The following COL14A1 variants were observed in gnomAD, a reference collection of about 807,000 sequenced individuals.
COL14A1 encodes collagen type XIV alpha 1 chain.
COL14A1 carries 136 observed loss-of-function variants against 230.3 expected under a neutral mutation model. The ratio of observed to expected loss-of-function variants is 0.59; its 90% CI spans 0.51 to 0.68. COL14A1 has a LOEUF of 0.68. Ranked by LOEUF, COL14A1 falls within the 30% of genes least tolerant of loss-of-function variation. The pLI is 0.00. For synonymous variants in COL14A1, 792 were observed against 784.1 expected, an observed-to-expected ratio of 1.01 and a Z score of -0.17; for missense variants, 1,976 against 2,215.8, an observed-to-expected ratio of 0.89 and a Z score of 2.17.
intron 5 of COL14A1, 72 bp from the exon 6 acceptor site, chr8:120,196,719 G>T: frequency 1.4e-6 from 2 of 1,476,548 alleles, no homozygotes; most frequent in African/African-American, 1.4e-5. Context: ...TTGTCTAAAA[G>T]ACATTAAGAT....
chr8:120,147,770 C>A, intron 1 of COL14A1, 36 bp from the exon 2 acceptor site: 2 of 1,082,112 alleles, frequency 1.8e-6, no homozygotes, highest in Non-Finnish European at 2.8e-6. Context: ...TTATTTTCAG[C>A]CTTCTCAAAA....
Position 120,248,962 on chromosome 8 carries a change from G to A in COL14A1, c.2602+1227G>A, listed in dbSNP as rs1818850132. Among the ~76,000 whole-genome samples, 3 of 109,310 alleles carry A rather than the reference G, an allele frequency of 2.7e-5. No homozygotes were observed. In the South Asian group the frequency reaches 8.8e-4, roughly 32 times the overall value. 71.7% of individuals were successfully genotyped at this position (109,310 alleles called of 152,430 possible). ...TTTTTTTGAGACGGAGTCTCGCTCT[G>A]TCACCCAGGCTGGAGTACAGTGGCG... On this transcript the variant is annotated intron_variant, in intron 21 of 47. Coordinates refer to ENST00000297848, the MANE Select transcript of COL14A1 (RefSeq NM_021110.4).
chr8:120,345,264 C>T lies in COL14A1; in HGVS notation c.4889-111C>T, dbSNP rs1262894957. 6 of 962,620 alleles carry T rather than the reference C, an allele frequency of 6.2e-6. No individual in the cohort carries two copies. The East Asian group carries it at 1.2e-4, about 18-fold the overall frequency. 59.6% of individuals were successfully genotyped at this position (962,620 alleles called of 1,614,324 possible). A position where few individuals can be genotyped will look rare whatever the true frequency, so the allele number is the denominator to read the frequency against. On this transcript the variant is annotated intron_variant, in intron 44 of 47. Coordinates refer to ENST00000297848, the MANE Select transcript of COL14A1 (RefSeq NM_021110.4). ...TATTTCAAAGGGGTGTGATTTTTCCCTTGGTGGGTATCTAACAGAATTGTT... is the reference window on the plus strand; with the variant it reads ...TATTTCAAAGGGGTGTGATTTTTCCTTTGGTGGGTATCTAACAGAATTGTT...
At chr8:120,221,023 C>T (rs773996560) in intron 14 of COL14A1, among the ~76,000 whole-genome samples, 5 of 152,126 alleles carry the variant, frequency 3.3e-5, no homozygotes, top group African/African-American at 7.2e-5. Flanking sequence ...TGTCAAACTA[C>T]GGACAGAAGT....
intron 2 of COL14A1, among the ~76,000 whole-genome samples, chr8:120,152,347 G>A (rs1280197711): frequency 6.6e-6 from 1 of 151,502 alleles, no homozygotes; most frequent in Non-Finnish European, 1.5e-5. Flanking sequence ...CCTGTAGTCT[G>A]TAGTCCTAGC....
intron 5 of COL14A1, among the ~76,000 whole-genome samples, chr8:120,169,967 G>A (rs1362399156): frequency 6.6e-6 from 1 of 151,944 alleles, no homozygotes; most frequent in Non-Finnish European, 1.5e-5. Context: ...CTAAGCTGAA[G>A]TCAGTTTTTA....
At chr8:120,287,135 T>C (rs1820227927) in intron 33 of COL14A1, among the ~76,000 whole-genome samples, 1 of 152,002 alleles carries the variant, frequency 6.6e-6, no homozygotes, top group African/African-American at 2.4e-5. Flanking sequence ...GTCAAATCAA[T>C]CTAATTTATG....
chr8:120,263,537 T>C (rs1230015408), intron 24 of COL14A1, among the ~76,000 whole-genome samples: 2 of 152,168 alleles, frequency 1.3e-5, no homozygotes, highest in Non-Finnish European at 2.9e-5. Flanking sequence ...ACAAAGCTCT[T>C]TTTACATGTT....
At chr8:120,139,130 T>C (rs1447658856) in intron 1 of COL14A1, among the ~76,000 whole-genome samples, 1 of 152,248 alleles carries the variant, frequency 6.6e-6, no homozygotes, top group East Asian at 1.9e-4. Flanking sequence ...TCCCAACTGA[T>C]TAGAGTTCTG....
Position 120,238,989 on chromosome 8 carries a change from C to T in COL14A1, c.2350-4890C>T, listed in dbSNP as rs548675293. Reference sequence around the variant, plus strand: ...GAACCCGGTACCTCAGTTGGAAATACAGAAATCACCCGCCTTCTGCATTGG... The same window carrying T: ...GAACCCGGTACCTCAGTTGGAAATATAGAAATCACCCGCCTTCTGCATTGG... On this transcript the variant is annotated intron_variant, in intron 19 of 47. Coordinates refer to ENST00000297848, the MANE Select transcript of COL14A1 (RefSeq NM_021110.4). Among the ~76,000 whole-genome samples the T allele has an allele frequency of 4.6e-5, 7 of 152,322 alleles. No homozygotes were observed. The East Asian group carries it at 1.4e-3, about 29-fold the overall frequency.
intron 40 of COL14A1, among the ~76,000 whole-genome samples, chr8:120,320,951 T>G (rs914072256): frequency 6.6e-6 from 1 of 152,218 alleles, no homozygotes; most frequent in African/African-American, 2.4e-5. Context: ...GCAAAGAATC[T>G]AAAGCTCAGA....
chr8:120,243,421 C>A (rs1415255858), intron 19 of COL14A1, among the ~76,000 whole-genome samples: 1 of 152,116 alleles, frequency 6.6e-6, no homozygotes, highest in Non-Finnish European at 1.5e-5. Context: ...TCCTTTCTAA[C>A]TGAAAGAAGA....
At position 120,210,261 on chromosome 8, in the gene COL14A1, T is replaced by G. The variant is rs573106073; in HGVS notation, c.1467+360T>G. Among the ~76,000 whole-genome samples the G allele has an allele frequency of 5.9e-5, 9 of 152,354 alleles. 1 individual carries two copies. The highest frequency in any genetic ancestry group is 3.3e-4 in the Admixed American group (5 of 15,296). ...TTTAATCAATCTATGTTATTGGATATTTAGATAGCTTGCTATATAAATAAT... is the reference window on the plus strand; with the variant it reads ...TTTAATCAATCTATGTTATTGGATAGTTAGATAGCTTGCTATATAAATAAT... On this transcript the variant is annotated intron_variant, in intron 12 of 47. Coordinates refer to ENST00000297848, the MANE Select transcript of COL14A1 (RefSeq NM_021110.4).
intron 11 of COL14A1, among the ~76,000 whole-genome samples, chr8:120,209,270 G>A (rs528953373): frequency 6.6e-6 from 1 of 152,274 alleles, no homozygotes; most frequent in South Asian, 2.1e-4. Flanking sequence ...GTGAGGCTGA[G>A]GTGGGAGGAT....
At position 120,230,981 on chromosome 8, in the gene COL14A1, C is replaced by T. The variant is rs192934833; in HGVS notation, c.2198-486C>T. ...GCTGAATGGATAAAGGCAGCCTGAG[C>T]GCAGATTTGTGCTTTGAATGACAGG... is the stretch of plus-strand genomic sequence containing the variant. On this transcript the variant is annotated intron_variant, in intron 18 of 47. Transcript: ENST00000297848. 2.2e-3 allele frequency among the ~76,000 whole-genome samples: 331 copies of T among 152,184 alleles called. 2 individuals are homozygous for T. Among genetic ancestry groups the T allele is most frequent in the African/African-American group, 7.5e-3 (310 of 41,528 alleles).
intron 23 of COL14A1, among the ~76,000 whole-genome samples, chr8:120,262,342 G>T (rs1819359000): frequency 6.6e-6 from 1 of 151,852 alleles, no homozygotes; most frequent in Non-Finnish European, 1.5e-5. Context: ...GCATGGTGGT[G>T]CACGCCTGTA....
rs1393343900 is a variant in COL14A1 at position 120,226,840 on chromosome 8, C to T, written c.2004+74C>T. 1.4e-5 allele frequency: 19 copies of T among 1,398,964 alleles called. No individual in the cohort carries two copies. The East Asian group carries it at 3.7e-4, about 27-fold the overall frequency. The allele number at this position is 1,398,964 out of a possible 1,614,324, so 86.7% of individuals were successfully genotyped here. ...ACCTACTGCTGCTGGAGTTGGTCTT[C>T]ACTTTAAAATATATTAGGAATCCCA... On this transcript the variant is annotated intron_variant, in intron 16 of 47. Transcript: ENST00000297848.
chr8:120,237,504 G>A (rs1299180233), intron 19 of COL14A1, among the ~76,000 whole-genome samples: 1 of 152,176 alleles, frequency 6.6e-6, no homozygotes, highest in Non-Finnish European at 1.5e-5. Flanking sequence ...CTAGTTAGCA[G>A]TTCCTGTAAG....
At chr8:120,207,133 T>C (rs1480459589) in intron 10 of COL14A1, 39 bp downstream of exon 10, 1 of 1,538,118 alleles carries the variant, frequency 6.5e-7, no homozygotes, top group African/African-American at 1.4e-5. Context: ...TTCTTTTTAT[T>C]CTCTCAAGTC....
Sources: gnomAD v4.1 joint callset for allele counts (sites outside exome capture counted in the v4.1 genomes callset) on GRCh38, gnomAD v4.1.1 for gene constraint, MANE v1.5 for transcripts, NCBI Gene and HGNC (gene_info 2026-07-23, HGNC 2026-07-21) for gene names.